LINC00305: variants seen among roughly 807,000 people sequenced by gnomAD.
LINC00305 encodes long independently transcribed non-coding RNA 305, also known as long intergenic non-protein coding RNA 305.
At chr18:64,129,391 T>G (rs973077689) in intron 1 of LINC00305, among the ~76,000 whole-genome samples, 9 of 152,012 alleles carry the variant, frequency 5.9e-5, no homozygotes, top group Non-Finnish European at 7.4e-5. Flanking sequence ...TGGGGATAGG[T>G]TTTTAAAAAA....
chr18:64,141,705 T>A (rs529213781), intron 1 of LINC00305, among the ~76,000 whole-genome samples: 41 of 152,260 alleles, frequency 2.7e-4, no homozygotes, highest in Non-Finnish European at 5.1e-4. Flanking sequence ...GTACTGGAAC[T>A]ATTGTCCTTA....
intron 1 of LINC00305, among the ~76,000 whole-genome samples, chr18:64,147,588 C>T (rs1340325788): frequency 6.6e-6 from 1 of 152,104 alleles, no homozygotes; most frequent in Non-Finnish European, 1.5e-5. Context: ...CTGAAAATGT[C>T]TGGCTTTGTC....
intron 1 of LINC00305, among the ~76,000 whole-genome samples, chr18:64,136,078 G>A (rs2051432205): frequency 6.6e-6 from 1 of 152,210 alleles, no homozygotes; most frequent in Non-Finnish European, 1.5e-5. Flanking sequence ...CCTCAGGGAA[G>A]AATGTGGCAG....
intron 1 of LINC00305, among the ~76,000 whole-genome samples, chr18:64,104,474 C>G (rs533936733): frequency 6.6e-6 from 1 of 152,136 alleles, no homozygotes; most frequent in African/African-American, 2.4e-5. Context: ...TCCTGAGAAC[C>G]CAACCTGCAC....
intron 1 of LINC00305, among the ~76,000 whole-genome samples, chr18:64,140,856 T>C (rs1287462422): frequency 6.6e-6 from 1 of 151,798 alleles, no homozygotes; most frequent in Non-Finnish European, 1.5e-5. Context: ...GGAGAGTTCA[T>C]GGAGAGAGAT....
intron 1 of LINC00305, among the ~76,000 whole-genome samples, chr18:64,133,682 T>A (rs891035834): frequency 6.6e-6 from 1 of 152,190 alleles, no homozygotes; most frequent in Non-Finnish European, 1.5e-5. Context: ...GATGTTTTTT[T>A]CCTTACATAC....
chr18:64,093,160 AACCAC>A (rs2051231531), intron 3 of LINC00305, among the ~76,000 whole-genome samples: 1 of 152,170 alleles, frequency 6.6e-6, no homozygotes, highest in Non-Finnish European at 1.5e-5. Flanking sequence ...TTATGCCTGA[AACCAC>A]TCCAGCGATG....
intron 3 of LINC00305, among the ~76,000 whole-genome samples, chr18:64,087,772 G>A (rs949506905): frequency 6.6e-6 from 1 of 152,050 alleles, no homozygotes; most frequent in Non-Finnish European, 1.5e-5. Context: ...GTTATTGTCT[G>A]GTGCTAACCA....
intron 1 of LINC00305, among the ~76,000 whole-genome samples, chr18:64,102,759 G>T (rs886562319): frequency 2.6e-5 from 4 of 152,128 alleles, no homozygotes; most frequent in Non-Finnish European, 4.4e-5. Context: ...GTCAGAGCAG[G>T]AGAAAGAGAG....
intron 3 of LINC00305, among the ~76,000 whole-genome samples, chr18:64,087,185 T>C (rs1251108451): frequency 1.3e-5 from 2 of 152,196 alleles, no homozygotes; most frequent in Admixed American, 1.3e-4. Context: ...TCAGTCAACT[T>C]ACAGTAAATG....
At chr18:64,142,615 C>T (rs1407308709) in intron 1 of LINC00305, among the ~76,000 whole-genome samples, 1 of 152,158 alleles carries the variant, frequency 6.6e-6, no homozygotes, top group African/African-American at 2.4e-5. Flanking sequence ...GAGCAGCCCT[C>T]ATGGAGCATG....
intron 3 of LINC00305, among the ~76,000 whole-genome samples, chr18:64,087,361 A>G (rs1428380392): frequency 2.0e-5 from 3 of 152,244 alleles, no homozygotes; most frequent in Non-Finnish European, 4.4e-5. Flanking sequence ...AATTGGAATC[A>G]TCAAGCCATT....
chr18:64,096,841 C>G (rs538249207), intron 3 of LINC00305, among the ~76,000 whole-genome samples: 36 of 151,824 alleles, frequency 2.4e-4, no homozygotes, highest in African/African-American at 8.7e-4. Context: ...CCAAGTAAAT[C>G]TTGAATGCTT....
chr18:64,134,516 C>T (rs2051423784), intron 1 of LINC00305, among the ~76,000 whole-genome samples: 1 of 152,124 alleles, frequency 6.6e-6, no homozygotes, highest in South Asian at 2.1e-4. Context: ...CTCTGCATAC[C>T]TACCTTTTAG....
At chr18:64,097,839 T>G (rs1210219439) in exon 3 of LINC00305, 1 of 457,634 alleles carries the variant, frequency 2.2e-6, no homozygotes, top group African/African-American at 2.0e-5. Flanking sequence ...CTTACCTTTA[T>G]TCTTCATTGA....
intron 1 of LINC00305, among the ~76,000 whole-genome samples, chr18:64,127,221 GTAT>G (rs1026004604): frequency 2.0e-5 from 3 of 151,976 alleles, no homozygotes; most frequent in Non-Finnish European, 4.4e-5. Context: ...TATATTACAG[GTAT>G]TATAATATAC....
intron 3 of LINC00305, among the ~76,000 whole-genome samples, chr18:64,090,955 C>T (rs1486177103): frequency 3.9e-5 from 6 of 152,164 alleles, no homozygotes; most frequent in Admixed American, 3.9e-4. Context: ...CTTTAATTCA[C>T]CTCTTGATTA....
intron 3 of LINC00305, among the ~76,000 whole-genome samples, chr18:64,094,631 G>A (rs142331738): frequency 1.3e-5 from 2 of 152,250 alleles, no homozygotes; most frequent in Admixed American, 1.3e-4. Flanking sequence ...GGGAGGCTGA[G>A]GGGGGCAGAT....
intron 1 of LINC00305, among the ~76,000 whole-genome samples, chr18:64,099,382 C>T (rs1568106540): frequency 6.6e-6 from 1 of 152,008 alleles, no homozygotes; most frequent in Non-Finnish European, 1.5e-5. Flanking sequence ...AACTCATAGC[C>T]TCATAGGGGA....
Sources: gnomAD v4.1 joint callset for allele counts (sites outside exome capture counted in the v4.1 genomes callset) on GRCh38, gnomAD v4.1.1 for gene constraint, MANE v1.5 for transcripts, NCBI Gene and HGNC (gene_info 2026-07-23, HGNC 2026-07-21) for gene names.